MAGI2: variants seen among roughly 807,000 people sequenced by gnomAD.
MAGI2 encodes membrane associated guanylate kinase, WW and PDZ domain containing 2, also known as membrane-associated guanylate kinase, WW and PDZ domain-containing protein 2.
Under a neutral mutation model 133.3 loss-of-function variants are expected in MAGI2, and 35 were observed. The observed-to-expected ratio is 0.26, with a 90% CI of 0.20 to 0.35. MAGI2 has a LOEUF of 0.35. Ranked by LOEUF, MAGI2 falls within the 10% of genes least tolerant of loss-of-function variation. The pLI is 1.00. For synonymous variants in MAGI2, 729 were observed against 710.6 expected, an observed-to-expected ratio of 1.03 and a Z score of -0.41; for missense variants, 1,636 against 1,863.4, an observed-to-expected ratio of 0.88 and a Z score of 2.25.
intron 1 of MAGI2, among the ~76,000 whole-genome samples, chr7:79,008,104 A>C (rs1807647163): frequency 6.6e-6 from 1 of 152,146 alleles, no homozygotes; most frequent in Non-Finnish European, 1.5e-5. Flanking sequence ...ATAAATCAAA[A>C]TACCAGTAAA....
At chr7:78,952,924 T>C (rs1040643654) in intron 2 of MAGI2, among the ~76,000 whole-genome samples, 9 of 152,198 alleles carry the variant, frequency 5.9e-5, no homozygotes, top group African/African-American at 1.9e-4. Flanking sequence ...CCCATTAAAA[T>C]ATTTGGCAAC....
At chr7:78,420,233 AG>A (rs1337225169) in intron 6 of MAGI2, among the ~76,000 whole-genome samples, 1 of 152,176 alleles carries the variant, frequency 6.6e-6, no homozygotes. Context: ...GGCTCTTCAG[AG>A]GGCTTAACAG....
intron 1 of MAGI2, among the ~76,000 whole-genome samples, chr7:79,080,566 A>T (rs1217136347): frequency 6.6e-6 from 1 of 152,138 alleles, no homozygotes; most frequent in African/African-American, 2.4e-5. Flanking sequence ...TCAAGTATGT[A>T]CAGAATATCT....
intron 2 of MAGI2, among the ~76,000 whole-genome samples, chr7:78,882,103 A>G (rs1795912393): frequency 7.9e-6 from 1 of 127,204 alleles, no homozygotes; most frequent in African/African-American, 2.8e-5. Context: ...AAAAAAAAAA[A>G]AAAAAGAAAA....
intron 2 of MAGI2, chr7:78,946,868 CT>C (rs1801457997): frequency 6.6e-6 from 1 of 152,084 alleles, no homozygotes; most frequent in Non-Finnish European, 1.5e-5. Flanking sequence ...GTTCTTGACT[CT>C]TATCTTTATT....
intron 1 of MAGI2, among the ~76,000 whole-genome samples, chr7:79,293,615 A>T (rs77754626): frequency 0.029 from 4,402 of 152,306 alleles, 222 homozygotes; most frequent in African/African-American, 0.1. Flanking sequence ...TTTAATTTAC[A>T]ATGACATTAT....
At chr7:79,222,115 C>G (rs915826219) in intron 1 of MAGI2, among the ~76,000 whole-genome samples, 4 of 151,910 alleles carry the variant, frequency 2.6e-5, no homozygotes, top group Admixed American at 2.6e-4. Context: ...GACATGCATA[C>G]CACATAAATA....
chr7:78,907,167 C>G (rs923280482), intron 2 of MAGI2, among the ~76,000 whole-genome samples: 2 of 152,122 alleles, frequency 1.3e-5, no homozygotes, highest in African/African-American at 4.8e-5. Flanking sequence ...GAAGAGAGGA[C>G]AGAAGCCCAA....
At chr7:78,792,020 T>A (rs1787195048) in intron 2 of MAGI2, among the ~76,000 whole-genome samples, 1 of 152,222 alleles carries the variant, frequency 6.6e-6, no homozygotes. Context: ...ACAGTGCTTA[T>A]CACTTCACGG....
At chr7:79,152,215 C>T (rs566425401) in intron 1 of MAGI2, among the ~76,000 whole-genome samples, 21 of 152,236 alleles carry the variant, frequency 1.4e-4, no homozygotes, top group African/African-American at 5.1e-4. Context: ...CAGATTGAAA[C>T]ATCACTAGAG....
intron 1 of MAGI2, among the ~76,000 whole-genome samples, chr7:79,104,970 C>G (rs1163783500): frequency 6.6e-6 from 1 of 152,184 alleles, no homozygotes; most frequent in Non-Finnish European, 1.5e-5. Flanking sequence ...GAAGGATTTT[C>G]ATTCATTGGT....
intron 6 of MAGI2, among the ~76,000 whole-genome samples, chr7:78,472,290 G>A (rs1345440791): frequency 6.6e-6 from 1 of 152,012 alleles, no homozygotes; most frequent in Middle Eastern, 3.2e-3. Flanking sequence ...TTTCTTTGCT[G>A]GATTTGCCTG....
At chr7:78,228,168 T>C (rs1033827123) in intron 10 of MAGI2, among the ~76,000 whole-genome samples, 4 of 152,152 alleles carry the variant, frequency 2.6e-5, no homozygotes, top group Admixed American at 6.5e-5. Context: ...TTTTAAGACA[T>C]TTAAAAATGT....
intron 3 of MAGI2, among the ~76,000 whole-genome samples, chr7:78,527,749 T>C (rs1797102141): frequency 6.6e-6 from 1 of 152,194 alleles, no homozygotes; most frequent in Admixed American, 6.5e-5. Context: ...GATGGAAACA[T>C]ATAATTTGTT....
intron 6 of MAGI2, among the ~76,000 whole-genome samples, chr7:78,412,568 G>A (rs943412449): frequency 1.3e-5 from 2 of 152,068 alleles, no homozygotes; most frequent in African/African-American, 4.8e-5. Context: ...CATTAGCGGG[G>A]TGTGAAATGT....
At chr7:78,714,478 C>T (rs1161019548) in intron 2 of MAGI2, among the ~76,000 whole-genome samples, 3 of 152,146 alleles carry the variant, frequency 2.0e-5, no homozygotes, top group Non-Finnish European at 4.4e-5. Context: ...TCTCCCCCAC[C>T]TTCCATCTGA....
chr7:78,833,139 A>G (rs571384409), intron 2 of MAGI2, among the ~76,000 whole-genome samples: 1 of 152,292 alleles, frequency 6.6e-6, no homozygotes, highest in African/African-American at 2.4e-5. Flanking sequence ...GCTGATTAAT[A>G]TCTTACTAAT....
At chr7:79,438,240 G>A (rs753967852) in intron 1 of MAGI2, among the ~76,000 whole-genome samples, 2 of 152,148 alleles carry the variant, frequency 1.3e-5, no homozygotes, top group Admixed American at 1.3e-4. Flanking sequence ...TATACGAGCC[G>A]GCGCTCATTA....
intron 1 of MAGI2, among the ~76,000 whole-genome samples, chr7:79,352,263 G>A (rs1158359276): frequency 6.6e-6 from 1 of 152,206 alleles, no homozygotes; most frequent in Non-Finnish European, 1.5e-5. Context: ...GGATGACTCG[G>A]AGAATGCACA....
Sources: gnomAD v4.1 joint callset for allele counts (sites outside exome capture counted in the v4.1 genomes callset) on GRCh38, gnomAD v4.1.1 for gene constraint, MANE v1.5 for transcripts, NCBI Gene and HGNC (gene_info 2026-07-23, HGNC 2026-07-21) for gene names.